The following EXD3 variants were observed in gnomAD, a reference collection of about 807,000 sequenced individuals.
EXD3 encodes exonuclease 3'-5' domain containing 3, also known as exonuclease mut-7 homolog.
In EXD3, 92 loss-of-function variants were observed where a neutral mutation model predicts 98.0. That is an observed-to-expected ratio of 0.94 (90% CI 0.79 to 1.12). EXD3 has a LOEUF of 1.12. EXD3 is among the 50% of genes most tolerant of loss of function. The pLI is 0.00. For synonymous variants in EXD3, 569 were observed against 526.0 expected (o/e 1.08, Z -1.12); for missense variants, 1,222 against 1,191.6 (o/e 1.03, Z -0.38).
At chr9:137,388,015 G>A (rs1836693515) in intron 2 of EXD3, among the ~76,000 whole-genome samples, 2 of 152,230 alleles carry the variant, frequency 1.3e-5, no homozygotes, top group Admixed American at 1.3e-4. Context: ...CTGCCCCTTG[G>A]AACCATGTGG....
At position 137,348,001 on chromosome 9, in the gene EXD3, G is replaced by C. The variant is rs1481008343; in HGVS notation, c.1998+70C>G. ...AGCTGGAGGGAGGAGTTTGATGCTA[G>C]GGGTGGGCACACCTGTGCTAGGGGC... On this transcript the variant is annotated intron_variant, in intron 17 of 21. Coordinates refer to ENST00000340951, the MANE Select transcript of EXD3 (RefSeq NM_017820.5). 2.7e-6 allele frequency: 4 copies of C among 1,495,790 alleles called. No individual in the cohort carries two copies. In the Admixed American group the frequency reaches 8.7e-5, roughly 33 times the overall value. The allele number at this position is 1,495,790 out of a possible 1,614,324, so 92.7% of individuals were successfully genotyped here.
intron 7 of EXD3, among the ~76,000 whole-genome samples, chr9:137,362,415 T>C (rs189982464): frequency 6.6e-6 from 1 of 152,300 alleles, no homozygotes; most frequent in East Asian, 1.9e-4. Flanking sequence ...AAACCATGTG[T>C]TCATCTCAAT....
intron 1 of EXD3, among the ~76,000 whole-genome samples, chr9:137,420,159 A>G (rs1489420481): frequency 6.8e-6 from 1 of 146,716 alleles, no homozygotes; most frequent in Non-Finnish European, 1.5e-5. Flanking sequence ...GACTCCGCCT[A>G]AAAAAAAAAC....
intron 17 of EXD3, among the ~76,000 whole-genome samples, chr9:137,344,579 C>T (rs972040720): frequency 6.6e-6 from 1 of 152,218 alleles, no homozygotes; most frequent in Non-Finnish European, 1.5e-5. Flanking sequence ...GACCTCACTC[C>T]TGCACAGATA....
intron 2 of EXD3, among the ~76,000 whole-genome samples, chr9:137,387,743 C>G (rs1406563353): frequency 4.6e-5 from 7 of 152,220 alleles, no homozygotes; most frequent in African/African-American, 1.7e-4. Context: ...CAGACCCGCT[C>G]TCCGGCCCCA....
chr9:137,409,760 G>A (rs1260555849), intron 1 of EXD3, among the ~76,000 whole-genome samples: 1 of 152,222 alleles, frequency 6.6e-6, no homozygotes, highest in Non-Finnish European at 1.5e-5. Context: ...AAGCCTGTCT[G>A]GATCTCTCAG....
rs1835639162 is a variant in EXD3 at position 137,371,953 on chromosome 9, G to C, written c.462+952C>G. On this transcript the variant is annotated intron_variant, in intron 5 of 21. Coordinates refer to ENST00000340951, the MANE Select transcript of EXD3 (RefSeq NM_017820.5). This position sits in a 1 kb window ranked among gnomAD's most constrained non-coding sequence, Gnocchi z 8.0. ...ACTGCAGGCCCCACTGCTCCCTACT[G>C]TTCCACACAAACCCAAGTCACAGCT... 1.3e-5 allele frequency among the ~76,000 whole-genome samples: 2 copies of C among 152,200 alleles called. No homozygotes were observed. The highest frequency in any genetic ancestry group is 2.1e-4 in the South Asian group (1 of 4,822).
intron 5 of EXD3, among the ~76,000 whole-genome samples, chr9:137,372,139 C>G (rs1835650385): frequency 6.6e-6 from 1 of 152,232 alleles, no homozygotes; most frequent in Admixed American, 6.5e-5. Flanking sequence ...GCTGCCAAGC[C>G]CACACTTCTG....
At chr9:137,308,802 A>G (rs1353434389) in intron 20 of EXD3, among the ~76,000 whole-genome samples, 2 of 151,676 alleles carry the variant, frequency 1.3e-5, no homozygotes, top group African/African-American at 2.4e-5. Context: ...ACACCCGGCT[A>G]ATTTTTTGTA....
chr9:137,311,914 G>A (rs916173873), intron 19 of EXD3, among the ~76,000 whole-genome samples: 8 of 152,150 alleles, frequency 5.3e-5, no homozygotes, highest in African/African-American at 1.4e-4. Flanking sequence ...TTTGGACAGC[G>A]ATCGTCCACC....
At chr9:137,355,478 A>AGGAGGAAGGAGGAAGGAGGAAG (rs1834612891) in intron 8 of EXD3, among the ~76,000 whole-genome samples, 1 of 6,106 alleles carries the variant, frequency 1.6e-4, no homozygotes, top group Non-Finnish European at 4.0e-4. Flanking sequence ...GGAAGGAGGA[A>AGGAGGAAGGAGGAAGGAGGAAG]GGAGGAAGGA....
Position 137,351,505 on chromosome 9 carries a change from G to A in EXD3, c.1197C>T (p.Asp399=), listed in dbSNP as rs1472806769. 12 of 1,593,852 alleles carry A rather than the reference G, an allele frequency of 7.5e-6. No individual in the cohort carries two copies. Among genetic ancestry groups the A allele is most frequent in the Admixed American group, 5.3e-5 (3 of 56,388 alleles). ...LLQCHQVVGV[D]VEWTPVFVAG... is the part of the protein sequence containing the mutation. ...CAACAAACACAGGTGTCCACTCCAC[G>A]TCTACACCAACCACTTGGTGGCACT... Residue 399 remains aspartate, a synonymous_variant, in exon 13 of 22, where the codon GAC becomes GAT. Coordinates refer to ENST00000340951, the MANE Select transcript of EXD3 (RefSeq NM_017820.5).
intron 19 of EXD3, among the ~76,000 whole-genome samples, chr9:137,317,112 A>C (rs1205806155): frequency 6.6e-6 from 1 of 152,120 alleles, no homozygotes; most frequent in Non-Finnish European, 1.5e-5. Flanking sequence ...AAGGGTCAGG[A>C]GACCCCAGCC....
chr9:137,349,033 T>C lies in EXD3; in HGVS notation c.1830+77A>G. 1 of 1,475,866 alleles carries C rather than the reference T, an allele frequency of 6.8e-7. No individual in the cohort carries two copies. Among genetic ancestry groups the C allele is most frequent in the African/African-American group, 1.4e-5 (1 of 71,664 alleles). 91.4% of individuals were successfully genotyped at this position (1,475,866 alleles called of 1,614,324 possible). ...CTCTGACCCAGTGGCCTTGTCTCCA[T>C]GCAGGTCCTTGGTTTATGGACAGGG... On this transcript the variant is annotated intron_variant, in intron 16 of 21. Transcript: ENST00000340951. The surrounding 1 kb of genome is among the most constrained non-coding windows in gnomAD (Gnocchi z 7.4).
chr9:137,393,407 T>G lies in EXD3; in HGVS notation c.55+1896A>C, dbSNP rs988964973. On this transcript the variant is annotated intron_variant, in intron 2 of 21. Transcript: ENST00000340951. The surrounding 1 kb of genome is among the most constrained non-coding windows in gnomAD (Gnocchi z 4.6). ...GTGGATGAACGGAAGGGTGAGGGGG[T>G]CTGGGCCCATCCCCAGAGGGGCAGG... 4.6e-4 allele frequency among the ~76,000 whole-genome samples: 69 copies of G among 150,998 alleles called. No individual in the cohort carries two copies. The highest frequency in any genetic ancestry group is 1.3e-4 in the Non-Finnish European group (9 of 67,742).
intron 19 of EXD3, among the ~76,000 whole-genome samples, chr9:137,315,759 G>C (rs937533509): frequency 2.0e-5 from 3 of 151,966 alleles, no homozygotes; most frequent in African/African-American, 7.3e-5. Flanking sequence ...GCCTGCCCTG[G>C]GCGGGCAGGA....
chr9:137,374,929 T>A, intron 3 of EXD3: 1 of 860,300 alleles, frequency 1.2e-6, no homozygotes, highest in Non-Finnish European at 1.4e-6. Context: ...GTTCTAACTC[T>A]AGTGAGTTCT....
chr9:137,411,114 T>C (rs1308716770), intron 1 of EXD3, among the ~76,000 whole-genome samples: 2 of 152,082 alleles, frequency 1.3e-5, no homozygotes, highest in Non-Finnish European at 2.9e-5. Flanking sequence ...GCAGAACCTG[T>C]AGCAGATTCC....
chr9:137,381,655 A>G (rs1836277337), intron 3 of EXD3, among the ~76,000 whole-genome samples: 1 of 152,114 alleles, frequency 6.6e-6, no homozygotes, highest in African/African-American at 2.4e-5. Context: ...CAGACGGCCA[A>G]CAGTCCCATT....
Sources: gnomAD v4.1 joint callset for allele counts (sites outside exome capture counted in the v4.1 genomes callset) on GRCh38, gnomAD v4.1.1 for gene constraint, Gnocchi (gnomAD v3.1) non-coding constraint, MANE v1.5 for transcripts, NCBI Gene and HGNC (gene_info 2026-07-23, HGNC 2026-07-21) for gene names.